ERBB4: variants seen among roughly 807,000 people sequenced by gnomAD.
ERBB4 encodes the protein erb-b2 receptor tyrosine kinase 4, also known as receptor tyrosine-protein kinase erbB-4.
Under a neutral mutation model 158.0 loss-of-function variants are expected in ERBB4, and 42 were observed. That is an observed-to-expected ratio of 0.27 (90% CI 0.21 to 0.34). The LOEUF is 0.34. Ranked by LOEUF, ERBB4 falls within the 10% of genes least tolerant of loss-of-function variation. The pLI is 1.00. For missense variants in ERBB4, 1,333 were observed against 1,624.1 expected, an observed-to-expected ratio of 0.82 and a Z score of 3.08; for synonymous variants, 583 against 558.7, an observed-to-expected ratio of 1.04 and a Z score of -0.61.
intron 3 of ERBB4, among the ~76,000 whole-genome samples, chr2:211,828,266 A>C (rs2077145391): frequency 6.6e-6 from 1 of 152,132 alleles, no homozygotes; most frequent in Admixed American, 6.6e-5. Context: ...TTCAAAACAC[A>C]TTTTGCTACT....
In ERBB4 at chr2:212,312,402, A is replaced by C. The variant is rs542717150; in HGVS notation, c.83-187499T>G. Among the ~76,000 whole-genome samples, 6 of 151,070 alleles carry C rather than the reference A, an allele frequency of 4.0e-5. No homozygotes were observed. In the East Asian group the frequency reaches 7.9e-4, roughly 20 times the overall value. ...TTAGAAATTATGCAGTTTGTCCATG[A>C]AATTGTGTATTATCCATCTTCCAAT... On this transcript the variant is annotated intron_variant, in intron 1 of 27. Transcript: ENST00000342788.
rs1048484891 is a variant in ERBB4 at position 212,531,723 on chromosome 2, T to TA, written c.82+6725dup. ...CTGGACATCTTCATAAAGCCCAGGTTAAAAAAAAACAAAAAGAAAGAAAAG... is the reference window on the plus strand; with the variant it reads ...CTGGACATCTTCATAAAGCCCAGGTTAAAAAAAAAACAAAAAGAAAGAAAAG... On this transcript the variant is annotated intron_variant, in intron 1 of 27. Transcript: ENST00000342788. Among the ~76,000 whole-genome samples the TA allele has an allele frequency of 3.5e-4, 53 of 150,842 alleles. 1 individual carries two copies. The highest frequency in any genetic ancestry group is 1.0e-3 in the South Asian group (5 of 4,766).
chr2:211,708,039 GTTTTC>G (rs1450570402), intron 9 of ERBB4, among the ~76,000 whole-genome samples: 1 of 151,946 alleles, frequency 6.6e-6, no homozygotes, highest in Non-Finnish European at 1.5e-5. Context: ...TTCACTGTAA[GTTTTC>G]TGCTTATAAT....
chr2:211,978,476 C>A (rs1261833399), intron 2 of ERBB4, among the ~76,000 whole-genome samples: 2 of 151,758 alleles, frequency 1.3e-5, no homozygotes, highest in African/African-American at 4.8e-5. Flanking sequence ...TAAGCCCAGG[C>A]TAGAGTGCAG....
chr2:211,816,075 T>C (rs1393120152), intron 3 of ERBB4, among the ~76,000 whole-genome samples: 2 of 152,114 alleles, frequency 1.3e-5, no homozygotes, highest in Non-Finnish European at 2.9e-5. Context: ...TTTCCCCAGC[T>C]TGCAGATGGC....
chr2:212,444,692 G>A (rs954390991), intron 1 of ERBB4, among the ~76,000 whole-genome samples: 1 of 152,148 alleles, frequency 6.6e-6, no homozygotes, highest in African/African-American at 2.4e-5. Flanking sequence ...CAGGGATGGA[G>A]GTTATGCATG....
At chr2:211,429,661 T>C (rs1330772264) in intron 21 of ERBB4, among the ~76,000 whole-genome samples, 1 of 151,928 alleles carries the variant, frequency 6.6e-6, no homozygotes, top group Non-Finnish European at 1.5e-5. Flanking sequence ...AATCATGAGG[T>C]TGGCTGCTCA....
At chr2:211,875,358 C>T (rs2078472186) in intron 3 of ERBB4, among the ~76,000 whole-genome samples, 1 of 152,104 alleles carries the variant, frequency 6.6e-6, no homozygotes, top group African/African-American at 2.4e-5. Flanking sequence ...TTAGCTTTCC[C>T]TGTTTTGTTG....
intron 19 of ERBB4, among the ~76,000 whole-genome samples, chr2:211,575,121 T>A (rs949074651): frequency 2.0e-5 from 3 of 152,212 alleles, no homozygotes; most frequent in African/African-American, 7.2e-5. Flanking sequence ...ATTGCATCCA[T>A]AGCCTAGTCT....
chr2:211,795,043 T>C (rs2076353498), intron 3 of ERBB4, among the ~76,000 whole-genome samples: 1 of 151,926 alleles, frequency 6.6e-6, no homozygotes, highest in African/African-American at 2.4e-5. Context: ...TCAGGTTCTA[T>C]CATCTCATAC....
intron 2 of ERBB4, among the ~76,000 whole-genome samples, chr2:212,047,339 T>C (rs1277907849): frequency 6.6e-6 from 1 of 152,170 alleles, no homozygotes; most frequent in African/African-American, 2.4e-5. Flanking sequence ...TCTAAATGGA[T>C]GTGGACAGGA....
In ERBB4 at chr2:211,959,895, C is replaced by T. The variant is rs549044766; in HGVS notation, c.235-12279G>A. ...CATGGAAAGGAGCAAAGGAATAACA[C>T]GTTTAAGATGCAACGATGGAACCAT... On this transcript the variant is annotated intron_variant, in intron 2 of 27. Coordinates refer to ENST00000342788, the MANE Select transcript of ERBB4 (RefSeq NM_005235.3). Among the ~76,000 whole-genome samples, 92 of 152,046 alleles carry T rather than the reference C, an allele frequency of 6.1e-4. No individual in the cohort carries two copies. In the Middle Eastern group the frequency reaches 0.01, roughly 17 times the overall value.
At chr2:212,310,677 A>T (rs1559985373) in intron 1 of ERBB4, among the ~76,000 whole-genome samples, 1 of 149,604 alleles carries the variant, frequency 6.7e-6, no homozygotes, top group Admixed American at 6.7e-5. Flanking sequence ...TATAGTCCAA[A>T]CTAAACTAAA....
intron 2 of ERBB4, among the ~76,000 whole-genome samples, chr2:212,073,726 C>T (rs1312269250): frequency 6.6e-6 from 1 of 151,818 alleles, no homozygotes; most frequent in African/African-American, 2.4e-5. Flanking sequence ...CAGTGAGAGA[C>T]AAACAATATA....
chr2:212,314,047 G>T (rs1197277265), intron 1 of ERBB4, among the ~76,000 whole-genome samples: 3 of 150,948 alleles, frequency 2.0e-5, no homozygotes, highest in Non-Finnish European at 4.5e-5. Flanking sequence ...TAAGACCAGA[G>T]GTCTTCTCGC....
chr2:212,046,417 A>G (rs73988954), intron 2 of ERBB4, among the ~76,000 whole-genome samples: 2 of 152,102 alleles, frequency 1.3e-5, no homozygotes, highest in Admixed American at 1.3e-4. Flanking sequence ...AAATCTGGTA[A>G]GGGAGTATTT....
At chr2:211,523,824 C>A (rs145868401) in intron 20 of ERBB4, among the ~76,000 whole-genome samples, 5,307 of 152,138 alleles carry the variant, frequency 0.035, 298 homozygotes, top group African/African-American at 0.12. Flanking sequence ...CTGGCTTGGG[C>A]AGCCTGCTTT....
chr2:212,516,531 T>C (rs931258410), intron 1 of ERBB4, among the ~76,000 whole-genome samples: 4 of 152,074 alleles, frequency 2.6e-5, no homozygotes, highest in Non-Finnish European at 5.9e-5. Context: ...CTGGAAAAGA[T>C]GATCATATAA....
intron 4 of ERBB4, among the ~76,000 whole-genome samples, chr2:211,772,848 T>TACACAC (rs2075736543): frequency 1.6e-5 from 1 of 64,318 alleles, no homozygotes; most frequent in African/African-American, 6.6e-5. Flanking sequence ...CATATATATA[T>TACACAC]ATATATATAT....
Sources: gnomAD v4.1 joint callset for allele counts (sites outside exome capture counted in the v4.1 genomes callset) on GRCh38, gnomAD v4.1.1 for gene constraint, MANE v1.5 for transcripts, NCBI Gene and HGNC (gene_info 2026-07-23, HGNC 2026-07-21) for gene names.